PTPN21: variants seen among roughly 807,000 people sequenced by gnomAD.
PTPN21 encodes protein tyrosine phosphatase non-receptor type 21.
Under a neutral mutation model 131.8 loss-of-function variants are expected in PTPN21, and 77 were observed. The ratio of observed to expected loss-of-function variants is 0.58; its 90% CI spans 0.49 to 0.71. PTPN21 has a LOEUF of 0.71. Ranked by LOEUF, PTPN21 falls within the 30% of genes least tolerant of loss-of-function variation. PTPN21 has a pLI of 0.00. For missense variants in PTPN21, 1,552 were observed against 1,527.1 expected, an observed-to-expected ratio of 1.02 and a Z score of -0.27; for synonymous variants, 715 against 621.3, an observed-to-expected ratio of 1.15 and a Z score of -2.24.
At position 88,480,224 on chromosome 14, in the gene PTPN21, A is replaced by G; in HGVS notation, c.1207T>C (p.Leu403=). The change falls in exon 13 of 19, where the codon TTA becomes CTA. Residue 403 remains leucine (L), a synonymous_variant. Coordinates refer to ENST00000556564, the MANE Select transcript of PTPN21 (RefSeq NM_007039.4). Reference sequence around the variant, plus strand: ...TGCAAGTAGGGCTGAGGATTATTTAAGGAGTTGGTGCTGTGTGCACTGTAG... The same window carrying G: ...TGCAAGTAGGGCTGAGGATTATTTAGGGAGTTGGTGCTGTGTGCACTGTAG... ...SVYSAHSTNS[L]NNPQPYLQPS... 1.2e-6 allele frequency: 2 copies of G among 1,614,178 alleles called. No individual in the cohort carries two copies. The highest frequency in any genetic ancestry group is 1.7e-6 in the Non-Finnish European group (2 of 1,180,016).
intron 8 of PTPN21, 59 bp downstream of exon 8, chr14:88,500,723 TA>T (rs2140130259): frequency 1.7e-6 from 2 of 1,189,808 alleles, no homozygotes; most frequent in East Asian, 2.3e-5. Context: ...CTGTAAGTAC[TA>T]AAAAATGTAT....
intron 6 of PTPN21, among the ~76,000 whole-genome samples, chr14:88,502,336 C>T (rs1011317361): frequency 5.3e-5 from 8 of 152,280 alleles, no homozygotes; most frequent in Non-Finnish European, 1.0e-4. Flanking sequence ...GTGGACCTGG[C>T]CAATCCCTAA....
chr14:88,483,191 A>G (rs1237539623), intron 12 of PTPN21, among the ~76,000 whole-genome samples: 24 of 148,638 alleles, frequency 1.6e-4, no homozygotes, highest in Admixed American at 1.5e-3. Context: ...CAGCCTGGGC[A>G]ACAGAGTGAG....
intron 2 of PTPN21, among the ~76,000 whole-genome samples, chr14:88,544,500 T>G (rs1206857250): frequency 6.6e-6 from 1 of 152,222 alleles, no homozygotes; most frequent in Non-Finnish European, 1.5e-5. Flanking sequence ...CCAGGTCCTT[T>G]GCTAAATGTT....
chr14:88,542,753 A>G (rs1044382370), intron 2 of PTPN21, among the ~76,000 whole-genome samples: 9 of 152,248 alleles, frequency 5.9e-5, no homozygotes, highest in Admixed American at 5.9e-4. Flanking sequence ...CTAAACATCA[A>G]GAAAAATCCC....
At chr14:88,547,536 C>T (rs2078800784) in intron 2 of PTPN21, 3 of 374,928 alleles carry the variant, frequency 8.0e-6, no homozygotes, top group Non-Finnish European at 1.1e-5. Flanking sequence ...TACCTGTAGT[C>T]CCAGCTCTTG....
chr14:88,503,738 T>TA (rs138178068), intron 6 of PTPN21: 1 of 151,936 alleles, frequency 6.6e-6, no homozygotes, highest in Non-Finnish European at 1.5e-5. Context: ...CATCTCGACT[T>TA]AAAGAGTATT....
intron 11 of PTPN21, 46 bp from the exon 12 acceptor site, chr14:88,485,206 G>A (rs768097661): frequency 8.4e-7 from 1 of 1,183,632 alleles, no homozygotes. Flanking sequence ...CATTGCTTAT[G>A]TAATACAGGT....
chr14:88,477,995 T>C (rs2077573831), intron 13 of PTPN21, among the ~76,000 whole-genome samples: 1 of 152,166 alleles, frequency 6.6e-6, no homozygotes, highest in South Asian at 2.1e-4. Flanking sequence ...GATAACAGAA[T>C]GGGCTTCTAA....
At chr14:88,474,194 T>C (rs2077516480) in intron 13 of PTPN21, among the ~76,000 whole-genome samples, 1 of 143,338 alleles carries the variant, frequency 7.0e-6, no homozygotes, top group Non-Finnish European at 1.5e-5. Context: ...ATAGTAAGCT[T>C]TTATAAATTT....
Position 88,479,158 on chromosome 14 carries a change from A to G in PTPN21, c.2273T>C (p.Leu758Pro). The change falls in exon 13 of 19, where the codon CTG becomes CCG. Residue 758 changes from leucine (L) to proline (P), a missense_variant. Transcript: ENST00000556564. ...RVLLAGPLHI[L>P]EPKAHVPDAE... ...GTCTGGGACGTGGGCCTTGGGCTCCAGGATGTGCAGGGGCCCGGCGAGCAG... is the reference window on the plus strand; with the variant it reads ...GTCTGGGACGTGGGCCTTGGGCTCCGGGATGTGCAGGGGCCCGGCGAGCAG... 1 of 1,552,364 alleles carries G rather than the reference A, an allele frequency of 6.4e-7. No homozygotes were observed. The highest frequency in any genetic ancestry group is 8.7e-7 in the Non-Finnish European group (1 of 1,152,350).
intron 8 of PTPN21, among the ~76,000 whole-genome samples, chr14:88,498,599 A>G (rs1438821515): frequency 6.6e-6 from 1 of 152,208 alleles, no homozygotes; most frequent in Non-Finnish European, 1.5e-5. Context: ...TCAAATTCGC[A>G]CAGTTGGAGG....
chr14:88,496,510 C>T lies in PTPN21; in HGVS notation c.853-18G>A, dbSNP rs376949575. 19 of 1,586,364 alleles carry T rather than the reference C, an allele frequency of 1.2e-5. No individual in the cohort carries two copies. In the African/African-American group the frequency reaches 2.3e-4, roughly 19 times the overall value. On this transcript the variant is annotated intron_variant, in intron 9 of 18. Transcript: ENST00000556564. ...ATGTCTTCCTAGCAAACAAAATAGG[C>T]ATAAAGCAATATGAAAGCACACATA...
chr14:88,472,138 AT>A lies in PTPN21; in HGVS notation c.2871+105del, dbSNP rs956460113. Reference sequence around the variant, plus strand: ...ATCTAAAACAATACAATAAAAATAAATTTTAAAATATCTGAATTCTAAACAG... The same window carrying A: ...ATCTAAAACAATACAATAAAAATAAATTTAAAATATCTGAATTCTAAACAG... On this transcript the variant is annotated intron_variant, in intron 15 of 18. Coordinates refer to ENST00000556564, the MANE Select transcript of PTPN21 (RefSeq NM_007039.4). The A allele has an allele frequency of 1.9e-5, 13 of 690,146 alleles. No individual in the cohort carries two copies. In the African/African-American group the frequency reaches 2.4e-4, roughly 13 times the overall value. The allele number at this position is 690,146 out of a possible 1,614,324, so 42.8% of individuals were successfully genotyped here. A position where few individuals can be genotyped will look rare whatever the true frequency, so the allele number is the denominator to read the frequency against.
rs115955346 is a variant in PTPN21 at position 88,546,858 on chromosome 14, T to A, written c.180+3380A>T. Among the ~76,000 whole-genome samples, 1,502 of 152,330 alleles carry A rather than the reference T, an allele frequency of 9.9e-3. 23 individuals carry two copies. The highest frequency in any genetic ancestry group is 0.034 in the African/African-American group (1,424 of 41,554). ...ATTTGTTAAGATTAGGCCTGATGCC[T>A]GAGCCATCTGTTTATATGCTACAGA... On this transcript the variant is annotated intron_variant, in intron 2 of 18. Coordinates refer to ENST00000556564, the MANE Select transcript of PTPN21 (RefSeq NM_007039.4).
intron 6 of PTPN21, among the ~76,000 whole-genome samples, chr14:88,503,098 C>A (rs1166007862): frequency 6.6e-6 from 1 of 150,780 alleles, no homozygotes; most frequent in African/African-American, 2.5e-5. Context: ...TGCAGTGGCA[C>A]GATCTCAGCT....
At chr14:88,508,096 G>T in intron 3 of PTPN21, 76 bp from the exon 4 acceptor site, 1 of 765,594 alleles carries the variant, frequency 1.3e-6, no homozygotes, top group South Asian at 2.0e-5. Flanking sequence ...ACCATAATTT[G>T]GTAGAGAAGC....
chr14:88,510,072 T>G (rs997808979), intron 3 of PTPN21, among the ~76,000 whole-genome samples: 2 of 152,070 alleles, frequency 1.3e-5, no homozygotes, highest in African/African-American at 4.8e-5. Context: ...AGCAACATAC[T>G]TGGACCCAAT....
At chr14:88,510,499 A>G (rs565688285) in intron 3 of PTPN21, among the ~76,000 whole-genome samples, 1 of 152,332 alleles carries the variant, frequency 6.6e-6, no homozygotes, top group South Asian at 2.1e-4. Flanking sequence ...CCAGGTCTCA[A>G]TGACCCAAAG....
Sources: gnomAD v4.1 joint callset for allele counts (sites outside exome capture counted in the v4.1 genomes callset) on GRCh38, gnomAD v4.1.1 for gene constraint, MANE v1.5 for transcripts, NCBI Gene and HGNC (gene_info 2026-07-23, HGNC 2026-07-21) for gene names.